Variants in C14orf39 observed in about 807,000 individuals in gnomAD.
C14orf39 encodes the protein protein SIX6OS1.
C14orf39 carries 66 observed loss-of-function variants against 85.6 expected under a neutral mutation model. The ratio of observed to expected loss-of-function variants is 0.77; its 90% CI spans 0.63 to 0.95. C14orf39 has a LOEUF of 0.95. C14orf39 is among the 40% of genes least tolerant of loss of function. The pLI is 0.00. For synonymous variants in C14orf39, 242 were observed against 214.0 expected, an observed-to-expected ratio of 1.13 and a Z score of -1.14; for missense variants, 735 against 663.9, an observed-to-expected ratio of 1.11 and a Z score of -1.18.
chr14:60,476,155 G>A (rs1892367764), intron 5 of C14orf39, among the ~76,000 whole-genome samples: 1 of 152,164 alleles, frequency 6.6e-6, no homozygotes, highest in African/African-American at 2.4e-5. Context: ...TGCTAATTAA[G>A]ACCCACTTAC....
chr14:60,511,192 C>T, intron 1 of C14orf39: 1 of 1,613,108 alleles, frequency 6.2e-7, no homozygotes, highest in Non-Finnish European at 8.5e-7. Flanking sequence ...CCAGTCTATC[C>T]AGCAAGGCGG....
intron 2 of C14orf39, chr14:60,495,963 G>A: frequency 2.1e-6 from 1 of 465,594 alleles, no homozygotes; most frequent in East Asian, 6.4e-5. Flanking sequence ...ACATTTGGGA[G>A]CACATATGTC....
chr14:60,464,906 T>C (rs1891713282), intron 11 of C14orf39, among the ~76,000 whole-genome samples: 1 of 152,130 alleles, frequency 6.6e-6, no homozygotes, highest in Non-Finnish European at 1.5e-5. Context: ...CTAACTGTTT[T>C]ATTTTTACCC....
At position 60,484,174 on chromosome 14, in the gene C14orf39, C is replaced by T. The variant is rs1012877651; in HGVS notation, c.107-357G>A. On this transcript the variant is annotated intron_variant, in intron 3 of 17. Coordinates refer to ENST00000321731, the MANE Select transcript of C14orf39 (RefSeq NM_174978.3). This position sits in a 1 kb window ranked among gnomAD's most constrained non-coding sequence, Gnocchi z 4.2. Reference sequence around the variant, plus strand: ...TATTCGTTAATGACACTAATAGAAGCCTTCTGTTTTTGACAAATGTGAAAT... The same window carrying T: ...TATTCGTTAATGACACTAATAGAAGTCTTCTGTTTTTGACAAATGTGAAAT... 6.6e-6 allele frequency among the ~76,000 whole-genome samples: 1 copy of T among 152,136 alleles called. No homozygotes were observed. Among genetic ancestry groups the T allele is most frequent in the Admixed American group, 6.5e-5 (1 of 15,280 alleles).
At chr14:60,497,068 A>G (rs753329747) in intron 2 of C14orf39, among the ~76,000 whole-genome samples, 13 of 152,172 alleles carry the variant, frequency 8.5e-5, no homozygotes, top group Non-Finnish European at 1.6e-4. Context: ...TCTTCATATT[A>G]TACTAACTCT....
chr14:60,454,736 C>T (rs1260253114), intron 16 of C14orf39, among the ~76,000 whole-genome samples: 2 of 151,912 alleles, frequency 1.3e-5, no homozygotes, highest in Non-Finnish European at 2.9e-5. Context: ...ACTATAAAGT[C>T]AAATTCATTT....
intron 1 of C14orf39, among the ~76,000 whole-genome samples, chr14:60,504,477 G>T (rs934006926): frequency 1.3e-5 from 2 of 152,102 alleles, no homozygotes; most frequent in African/African-American, 2.4e-5. Context: ...AGGATATTTC[G>T]ATCTTAGATT....
At chr14:60,447,549 C>A (rs1266955461) in intron 16 of C14orf39, among the ~76,000 whole-genome samples, 1 of 152,094 alleles carries the variant, frequency 6.6e-6, no homozygotes, top group Non-Finnish European at 1.5e-5. Context: ...AAAGAGGACA[C>A]AAACAAATGG....
intron 1 of C14orf39, among the ~76,000 whole-genome samples, chr14:60,501,277 T>A (rs1433423836): frequency 7.9e-6 from 1 of 126,628 alleles, no homozygotes; most frequent in African/African-American, 3.0e-5. Context: ...CTGCACTCCA[T>A]CCTGGGCAAC....
At chr14:60,472,329 T>C (rs1892127683) in intron 5 of C14orf39, among the ~76,000 whole-genome samples, 1 of 152,096 alleles carries the variant, frequency 6.6e-6, no homozygotes, top group South Asian at 2.1e-4. Context: ...GCTCCAATAG[T>C]AGTGGATGGT....
intron 1 of C14orf39, among the ~76,000 whole-genome samples, chr14:60,507,556 G>C (rs1379031623): frequency 6.6e-6 from 1 of 152,170 alleles, no homozygotes; most frequent in African/African-American, 2.4e-5. Flanking sequence ...GATGTAAATG[G>C]TTTCAGGGCT....
rs1890231670 is a variant in C14orf39, at chr14:60,435,960, G to T, written c.*885C>A. The T allele has an allele frequency of 6.6e-6, 1 of 152,120 alleles. No individual in the cohort carries two copies. The highest frequency in any genetic ancestry group is 6.6e-5 in the Admixed American group (1 of 15,246). 9.4% of individuals were successfully genotyped at this position (152,120 alleles called of 1,614,324 possible). A position where few individuals can be genotyped will look rare whatever the true frequency, so the allele number is the denominator to read the frequency against. On this transcript the variant is annotated 3_prime_UTR_variant, in exon 18 of 18. Transcript: ENST00000321731. Reference sequence around the variant, plus strand: ...ATCAACAGTCACATCAAAATATGGAGTCAAACCCTTTATTACTTGGTAACT... The same window carrying T: ...ATCAACAGTCACATCAAAATATGGATTCAAACCCTTTATTACTTGGTAACT...
intron 1 of C14orf39, among the ~76,000 whole-genome samples, chr14:60,503,440 C>T (rs566779524): frequency 7.4e-4 from 113 of 152,196 alleles, no homozygotes; most frequent in African/African-American, 2.6e-3. Flanking sequence ...CAGAACTGCC[C>T]TCAAACTCAA....
At chr14:60,511,734 C>G (rs972776293) in intron 1 of C14orf39, 7 of 235,220 alleles carry the variant, frequency 3.0e-5, no homozygotes, top group African/African-American at 1.6e-4. Flanking sequence ...TCTAAACATG[C>G]AGGCTGGTGG....
chr14:60,479,010 T>C (rs1342845153), intron 4 of C14orf39, among the ~76,000 whole-genome samples: 1 of 152,106 alleles, frequency 6.6e-6, no homozygotes, highest in South Asian at 2.1e-4. Flanking sequence ...CGGCTTCCAG[T>C]GTAAGTATTT....
At chr14:60,492,814 T>C (rs1462670502) in intron 2 of C14orf39, among the ~76,000 whole-genome samples, 1 of 151,976 alleles carries the variant, frequency 6.6e-6, no homozygotes, top group Non-Finnish European at 1.5e-5. Flanking sequence ...ATGAAGTAGA[T>C]AAATTAAAGC....
At position 60,442,097 on chromosome 14, in the gene C14orf39, G is replaced by T; in HGVS notation, c.1538C>A (p.Pro513His). 6.2e-7 allele frequency: 1 copy of T among 1,610,008 alleles called. No homozygotes were observed. The highest frequency in any genetic ancestry group is 1.1e-5 in the South Asian group (1 of 90,574). ...NEHYSARNLNPLSSEQEIGNL... is the reference protein window; with the variant it reads ...NEHYSARNLNHLSSEQEIGNL... ...ACCAATCTCTTGCTCTGATGACAGAGGATTTAGATTTCTTGCAGAATAATG... is the reference window on the plus strand; with the variant it reads ...ACCAATCTCTTGCTCTGATGACAGATGATTTAGATTTCTTGCAGAATAATG... Residue 513 changes from proline (P) to histidine (H), a missense_variant, in exon 17 of 18, where the codon CCT (proline) becomes CAT (histidine). Pro to His is a moderately conservative substitution (Grantham distance 77). Transcript: ENST00000321731.
At chr14:60,487,908 A>C (rs1892928356), upstream of C14orf39, among the ~76,000 whole-genome samples, 1 of 152,312 alleles carries the variant, frequency 6.6e-6, no homozygotes, top group Non-Finnish European at 1.5e-5. Context: ...GGCGATTTGC[A>C]CATCTTCTTT....
chr14:60,439,555 T>A (rs1228579973), intron 17 of C14orf39, among the ~76,000 whole-genome samples: 3 of 152,156 alleles, frequency 2.0e-5, no homozygotes, highest in South Asian at 4.1e-4. Context: ...AAAGCCAGAA[T>A]AATGGAGATA....
Sources: allele counts gnomAD v4.1 joint callset (sites outside exome capture counted in the v4.1 genomes callset), GRCh38; gene constraint gnomAD v4.1.1; non-coding constraint Gnocchi (gnomAD v3.1); transcripts MANE v1.5; gene names NCBI Gene and HGNC (gene_info 2026-07-23, HGNC 2026-07-21).